Variants in MAP2 observed in about 807,000 individuals in gnomAD.
The protein encoded by MAP2 is microtubule-associated protein 2.
A neutral mutation model predicts 137.6 loss-of-function variants in MAP2; 14 were observed. That is an observed-to-expected ratio of 0.10 (90% CI 0.07 to 0.16). The LOEUF is 0.16. Among genes scored for constraint, MAP2 ranks in the 10% least tolerant of loss-of-function variants. MAP2 has a pLI of 1.00. For synonymous variants in MAP2, 786 were observed against 782.3 expected (o/e 1.00, Z -0.08); for missense variants, 2,088 against 2,191.5 (o/e 0.95, Z 0.94).
At chr2:209,636,695 C>G (rs947360244) in intron 4 of MAP2, among the ~76,000 whole-genome samples, 1 of 151,806 alleles carries the variant, frequency 6.6e-6, no homozygotes, top group South Asian at 2.1e-4. Flanking sequence ...TAAATATACA[C>G]TGTAAGATTT....
At chr2:209,604,632 T>A (rs893828491) in intron 3 of MAP2, among the ~76,000 whole-genome samples, 6 of 152,158 alleles carry the variant, frequency 3.9e-5, no homozygotes, top group African/African-American at 1.4e-4. Flanking sequence ...ACAGTAACAG[T>A]CTGTTTTATG....
chr2:209,564,413 A>G (rs2072911480), intron 2 of MAP2, among the ~76,000 whole-genome samples: 1 of 152,068 alleles, frequency 6.6e-6, no homozygotes, highest in African/African-American at 2.4e-5. Flanking sequence ...GTTTTTTCAA[A>G]CTGGATTTAA....
chr2:209,493,054 A>C (rs1186355552), intron 1 of MAP2, among the ~76,000 whole-genome samples: 1 of 152,214 alleles, frequency 6.6e-6, no homozygotes, highest in Non-Finnish European at 1.5e-5. Flanking sequence ...ATTAACCAAA[A>C]TGTTATGGTA....
At chr2:209,451,371 A>C (rs953168291) in intron 1 of MAP2, among the ~76,000 whole-genome samples, 11 of 152,108 alleles carry the variant, frequency 7.2e-5, no homozygotes, top group African/African-American at 2.7e-4. Context: ...GCAGGTGAGA[A>C]AGGAGCAAGG....
intron 1 of MAP2, among the ~76,000 whole-genome samples, chr2:209,507,129 T>C (rs1165331367): frequency 9.2e-5 from 14 of 152,100 alleles, no homozygotes; most frequent in African/African-American, 3.1e-4. Flanking sequence ...CCTCCAAATA[T>C]CACATTGGGG....
intron 1 of MAP2, among the ~76,000 whole-genome samples, chr2:209,481,156 A>G (rs564988944): frequency 7.7e-4 from 117 of 152,326 alleles, no homozygotes; most frequent in African/African-American, 2.6e-3. Context: ...AGCTTACTGA[A>G]TGTTTCCTGG....
intron 2 of MAP2, among the ~76,000 whole-genome samples, chr2:209,554,724 C>G (rs978328484): frequency 2.0e-5 from 3 of 151,484 alleles, no homozygotes; most frequent in Non-Finnish European, 1.5e-5. Flanking sequence ...CACTGCACAC[C>G]AGCCTAGGCA....
At chr2:209,626,066 G>A (rs917708529) in intron 4 of MAP2, among the ~76,000 whole-genome samples, 4 of 151,950 alleles carry the variant, frequency 2.6e-5, no homozygotes, top group African/African-American at 9.7e-5. Context: ...TCACTTTCTT[G>A]TTTTTATTAT....
At chr2:209,445,009 C>A (rs1425612467) in intron 1 of MAP2, among the ~76,000 whole-genome samples, 1 of 151,074 alleles carries the variant, frequency 6.6e-6, no homozygotes, top group African/African-American at 2.4e-5. Flanking sequence ...ATTGTTTTTG[C>A]CTGATTCTGT....
intron 13 of MAP2, among the ~76,000 whole-genome samples, chr2:209,719,518 TG>T (rs1167921781): frequency 2.6e-5 from 4 of 151,976 alleles, no homozygotes; most frequent in African/African-American, 7.3e-5. Context: ...GTAAGAGAGA[TG>T]TTTTTTTCTT....
chr2:209,517,200 A>C (rs2062636603), intron 2 of MAP2, among the ~76,000 whole-genome samples: 2 of 151,984 alleles, frequency 1.3e-5, no homozygotes, highest in Admixed American at 1.3e-4. Flanking sequence ...GATATGTATT[A>C]ATTTTTGGAT....
At chr2:209,699,122 A>AAGCTAT (rs1421624227) in intron 10 of MAP2, among the ~76,000 whole-genome samples, 1 of 152,190 alleles carries the variant, frequency 6.6e-6, no homozygotes, top group African/African-American at 2.4e-5. Flanking sequence ...GGTTTGAAGC[A>AAGCTAT]AGCTATACAT....
chr2:209,719,338 G>A (rs139276989), intron 13 of MAP2, among the ~76,000 whole-genome samples: 220 of 152,298 alleles, frequency 1.4e-3, no homozygotes, highest in African/African-American at 4.7e-3. Flanking sequence ...TTGAGCTGAC[G>A]TGTGGGTCTT....
intron 1 of MAP2, among the ~76,000 whole-genome samples, chr2:209,425,039 A>G (rs1574433381): frequency 6.6e-6 from 1 of 152,126 alleles, no homozygotes; most frequent in African/African-American, 2.4e-5. Flanking sequence ...TCTTTTGTTT[A>G]AGGATGGAAA....
chr2:209,506,263 C>T (rs1380592693), intron 1 of MAP2, among the ~76,000 whole-genome samples: 2 of 152,134 alleles, frequency 1.3e-5, no homozygotes, highest in Admixed American at 1.3e-4. Flanking sequence ...TAAACACCTG[C>T]CCTTAGGATT....
rs148825736 is a variant in MAP2, at chr2:209,653,287, A to G, written c.117A>G (p.Glu39=). 1.5e-4 allele frequency: 236 copies of G among 1,614,034 alleles called. No homozygotes were observed. Among genetic ancestry groups the G allele is most frequent in the Non-Finnish European group, 1.9e-4 (227 of 1,180,024 alleles). ...TTAAGGATCAAGGCGGAGCAGGGGA[A>G]GGACTTGTCCGAAGCGCCAATGGAT... is the stretch of plus-strand genomic sequence containing the variant. ...PEIKDQGGAG[E]GLVRSANGFP... Residue 39 remains glutamate (E), a synonymous_variant, in exon 5 of 16, where the codon GAA becomes GAG. Coordinates refer to ENST00000682079, the MANE Select transcript of MAP2 (RefSeq NM_001375505.1).
chr2:209,512,287 TATA>T lies in MAP2; in HGVS notation c.-172+4651_-172+4653del, dbSNP rs575328128. Among the ~76,000 whole-genome samples, 88 of 152,114 alleles carry T rather than the reference TATA, an allele frequency of 5.8e-4. 1 individual carries two copies. In the South Asian group the frequency reaches 0.01, roughly 18 times the overall value. On this transcript the variant is annotated intron_variant, in intron 2 of 15. Transcript: ENST00000682079. ...CCTTGTGTCTGATAAATATGTAAAT[TATA>T]ATAAATAAATTACATTTTAATGCAA...
At chr2:209,510,624 A>G (rs1270127348) in intron 2 of MAP2, among the ~76,000 whole-genome samples, 3 of 152,100 alleles carry the variant, frequency 2.0e-5, no homozygotes, top group Non-Finnish European at 4.4e-5. Flanking sequence ...GATTTTAAAA[A>G]TTTCTCTCAG....
At chr2:209,669,859 T>G (rs2048047346) in intron 5 of MAP2, among the ~76,000 whole-genome samples, 1 of 151,950 alleles carries the variant, frequency 6.6e-6, no homozygotes, top group Non-Finnish European at 1.5e-5. Flanking sequence ...TATCTCACAG[T>G]TACTCTTTCT....
Sources: allele counts gnomAD v4.1 joint callset (sites outside exome capture counted in the v4.1 genomes callset), GRCh38; gene constraint gnomAD v4.1.1; transcripts MANE v1.5; gene names NCBI Gene and HGNC (gene_info 2026-07-23, HGNC 2026-07-21).